AGXT: variants seen among roughly 807,000 people sequenced by gnomAD.
The protein encoded by AGXT is L-alanine: glyoxylate aminotransferase 1.
AGXT carries 41 observed loss-of-function variants against 46.9 expected under a neutral mutation model. The observed-to-expected ratio is 0.88, with a 90% CI of 0.68 to 1.14. The LOEUF (loss-of-function observed/expected upper bound fraction) is 1.14, where lower values mean the gene tolerates loss of function less well. Ranked by LOEUF, AGXT falls within the 50% of genes most tolerant of loss-of-function variation. The pLI, the probability that AGXT is intolerant of heterozygous loss-of-function variation, is 0.00. For missense variants in AGXT, 525 were observed against 522.7 expected, an observed-to-expected ratio of 1.00 and a Z score of -0.04; for synonymous variants, 244 against 227.9, an observed-to-expected ratio of 1.07 and a Z score of -0.64.
intron 5 of AGXT, 114 bp from the exon 6 acceptor site, chr2:240,873,864 A>T: frequency 1.1e-6 from 1 of 949,120 alleles, no homozygotes; most frequent in Non-Finnish European, 1.7e-6. Context: ...GCTATCGTGT[A>T]CGGATTCGTG....
chr2:240,875,279 AC>A, intron 7 of AGXT, 75 bp downstream of exon 7: 1 of 1,266,562 alleles, frequency 7.9e-7, no homozygotes, highest in African/African-American at 1.5e-5. Flanking sequence ...CTCTCACTGC[AC>A]TCAGGGATTC....
Position 240,873,006 on chromosome 2 carries a change from G to A in AGXT, c.552G>A (p.Ser184=), listed in dbSNP as rs548869946. ...HRYKCLLLVD[S]VASLGGTPLY... is the part of the protein sequence containing the mutation. ...ACAAGTGCCTGCTCCTGGTGGATTC[G>A]GTGGCATCCCTGGGCGGGACCCCCC... Residue 184 remains serine (S), a synonymous_variant, in exon 5 of 11, where the codon TCG becomes TCA. Transcript: ENST00000307503. The A allele has an allele frequency of 1.7e-5, 27 of 1,613,954 alleles. No individual in the cohort carries two copies. The highest frequency in any genetic ancestry group is 8.0e-5 in the African/African-American group (6 of 75,024).
In AGXT at chr2:240,869,771, C is replaced by T. The variant is rs564560510; in HGVS notation, c.358+409C>T. Among the ~76,000 whole-genome samples, 4 of 152,318 alleles carry T rather than the reference C, an allele frequency of 2.6e-5. No individual in the cohort carries two copies. In the East Asian group the frequency reaches 7.7e-4, roughly 29 times the overall value. On this transcript the variant is annotated intron_variant, in intron 2 of 10. Coordinates refer to ENST00000307503, the MANE Select transcript of AGXT (RefSeq NM_000030.3). ...CCCTCAAATCTCAGCAGCCTTCCTT[C>T]TGGAATCTTGATGTGATACACAAAA...
At chr2:240,876,684 T>C (rs2059026391) in intron 8 of AGXT, among the ~76,000 whole-genome samples, 1 of 152,202 alleles carries the variant, frequency 6.6e-6, no homozygotes, top group Non-Finnish European at 1.5e-5. Flanking sequence ...GCCTGCCACG[T>C]TTGTCCTCCT....
At chr2:240,877,073 C>T in intron 8 of AGXT, 1 of 283,980 alleles carries the variant, frequency 3.5e-6, no homozygotes, top group Non-Finnish European at 7.2e-6. Flanking sequence ...CTGAGGGGCC[C>T]AGGGCTGGAG....
In AGXT at chr2:240,869,007, T is replaced by C. The variant is rs1279674854; in HGVS notation, c.142T>C (p.Ser48Pro). 3 of 1,460,496 alleles carry C rather than the reference T, an allele frequency of 2.1e-6. No homozygotes were observed. Among genetic ancestry groups the C allele is most frequent in the Non-Finnish European group, 2.8e-6 (3 of 1,085,216 alleles). The allele number at this position is 1,460,496 out of a possible 1,614,324, so 90.5% of individuals were successfully genotyped here. A position where few individuals can be genotyped will look rare whatever the true frequency, so the allele number is the denominator to read the frequency against. Residue 48 changes from serine (S) to proline (P), a missense_variant, in exon 1 of 11, where the codon TCC becomes CCC. Transcript: ENST00000307503. ...AGCCGGGGGGCTGCAGATGATCGGGTCCATGAGCAAGGATATGTACCAGGT... is the reference window on the plus strand; with the variant it reads ...AGCCGGGGGGCTGCAGATGATCGGGCCCATGAGCAAGGATATGTACCAGGT... ...MAAGGLQMIGSMSKDMYQIMD... is the reference protein window; with the variant it reads ...MAAGGLQMIGPMSKDMYQIMD...
Position 240,875,973 on chromosome 2 carries a change from T to TGA in AGXT, c.823_824dup (p.Ser275ArgfsTer38), listed in dbSNP as rs180177273. Reference sequence around the variant, plus strand: ...ATCCCCGTCATCAGCCTGTACAGCCTGAGAGAGAGCCTGGCCCTCATTGCG... The same window carrying TGA: ...ATCCCCGTCATCAGCCTGTACAGCCTGAGAGAGAGAGCCTGGCCCTCATTGCG... On this transcript the variant is annotated frameshift_variant, in exon 8 of 11. Coordinates refer to ENST00000307503, the MANE Select transcript of AGXT (RefSeq NM_000030.3). LOFTEE classifies it high-confidence loss of function. 2.5e-6 allele frequency: 4 copies of TGA among 1,614,084 alleles called. No homozygotes were observed. In the East Asian group the frequency reaches 6.7e-5, roughly 27 times the overall value.
chr2:240,871,899 T>C (rs1402842363), intron 4 of AGXT, among the ~76,000 whole-genome samples: 1 of 152,228 alleles, frequency 6.6e-6, no homozygotes, highest in East Asian at 1.9e-4. Context: ...ACAGAGCCCC[T>C]TGGGACCCAG....
In AGXT at chr2:240,875,015, G is replaced by A. The variant is rs141154272; in HGVS notation, c.681-94G>A. ...CGGGCCCTCCTGGGGGCCCCACCCC[G>A]TCTCACTCCCGTGAAACAGGACAGC... On this transcript the variant is annotated intron_variant, in intron 6 of 10. Coordinates refer to ENST00000307503, the MANE Select transcript of AGXT (RefSeq NM_000030.3). 19,755 of 1,202,944 alleles carry A rather than the reference G, an allele frequency of 0.016. 220 individuals are homozygous for A. Among genetic ancestry groups the A allele is most frequent in the Middle Eastern group, 0.027 (142 of 5,206 alleles). The allele number at this position is 1,202,944 out of a possible 1,614,324, so 74.5% of individuals were successfully genotyped here.
At chr2:240,874,134 A>T in intron 6 of AGXT, 72 bp downstream of exon 6, 3 of 1,475,008 alleles carry the variant, frequency 2.0e-6, no homozygotes, top group Non-Finnish European at 1.9e-6. Context: ...CCGAGGCGGG[A>T]GGGGCGGGAG....
intron 3 of AGXT, 28 bp downstream of exon 3, chr2:240,870,736 C>A (rs1210770610): frequency 1.3e-6 from 2 of 1,549,406 alleles, no homozygotes; most frequent in East Asian, 4.9e-5. Context: ...GGGGTCAGGG[C>A]CGGGAGGAGG....
chr2:240,869,855 G>A (rs1201314374), intron 2 of AGXT, among the ~76,000 whole-genome samples: 2 of 152,176 alleles, frequency 1.3e-5, no homozygotes, highest in African/African-American at 2.4e-5. Context: ...AGAGACACAG[G>A]AGCAGGAGTG....
chr2:240,877,766 AG>A, intron 9 of AGXT, 134 bp downstream of exon 9: 1 of 1,086,052 alleles, frequency 9.2e-7, no homozygotes, highest in Non-Finnish European at 1.3e-6. Flanking sequence ...CCTCGGTGCC[AG>A]GGATTAGTCT....
In AGXT at chr2:240,880,105, C is replaced by G. The variant is rs751773730; in HGVS notation, c.*1284C>G. On this transcript the variant is annotated 3_prime_UTR_variant, in exon 11 of 11. Coordinates refer to ENST00000307503, the MANE Select transcript of AGXT (RefSeq NM_000030.3). ...GGAGGTAGTGAAATTCTTACTCAAGCCTTCGTGTGGCCATATATTTTCATT... is the reference window on the plus strand; with the variant it reads ...GGAGGTAGTGAAATTCTTACTCAAGGCTTCGTGTGGCCATATATTTTCATT... 1 of 152,108 alleles carries G rather than the reference C, an allele frequency of 6.6e-6. No homozygotes were observed. The highest frequency in any genetic ancestry group is 1.5e-5 in the Non-Finnish European group (1 of 68,040). 9.4% of individuals were successfully genotyped at this position (152,108 alleles called of 1,614,324 possible).
At chr2:240,870,729 G>A (rs766935712) in intron 3 of AGXT, 21 bp downstream of exon 3, 1 of 1,551,394 alleles carries the variant, frequency 6.4e-7, no homozygotes, top group Non-Finnish European at 8.7e-7. Context: ...CGGGGTGGGG[G>A]TCAGGGCCGG....
At chr2:240,875,380 C>T (rs1222906284) in intron 7 of AGXT, among the ~76,000 whole-genome samples, 176 bp downstream of exon 7, 2 of 152,230 alleles carry the variant, frequency 1.3e-5, no homozygotes, top group Non-Finnish European at 2.9e-5. Context: ...ACCCTGGGTT[C>T]CCCCATTCCT....
chr2:240,872,222 G>A (rs897165544), intron 4 of AGXT, among the ~76,000 whole-genome samples: 4 of 147,720 alleles, frequency 2.7e-5, no homozygotes, highest in African/African-American at 1.0e-4. Flanking sequence ...GTGAGAGTTC[G>A]TGAACATGTA....
At chr2:240,877,220 G>A (rs1007173085) in intron 8 of AGXT, 3 of 544,214 alleles carry the variant, frequency 5.5e-6, no homozygotes, top group Non-Finnish European at 1.1e-5. Context: ...CTCCAGCCCT[G>A]TGTAGCCCAA....
rs1327188554 is a variant in AGXT, at chr2:240,868,850, A to C, written c.-16A>C. ...GTGCAGCCCCAGGTTCCCGAGCGGCAGGTTGGGTGCGGACCATGGCCTCTC... is the reference window on the plus strand; with the variant it reads ...GTGCAGCCCCAGGTTCCCGAGCGGCCGGTTGGGTGCGGACCATGGCCTCTC... On this transcript the variant is annotated 5_prime_UTR_variant, in exon 1 of 11. Coordinates refer to ENST00000307503, the MANE Select transcript of AGXT (RefSeq NM_000030.3). 1.9e-6 allele frequency: 3 copies of C among 1,605,578 alleles called. No individual in the cohort carries two copies. The East Asian group carries it at 6.7e-5, about 36-fold the overall frequency.
Sources: gnomAD v4.1 joint callset for allele counts (sites outside exome capture counted in the v4.1 genomes callset) on GRCh38, gnomAD v4.1.1 for gene constraint, MANE v1.5 for transcripts, NCBI Gene and HGNC (gene_info 2026-07-23, HGNC 2026-07-21) for gene names.